TMEM132C: variants seen among roughly 807,000 people sequenced by gnomAD.
The protein encoded by TMEM132C is protein phosphatase 1, regulatory subunit 152.
TMEM132C carries 29 observed loss-of-function variants against 61.4 expected under a neutral mutation model. That is an observed-to-expected ratio of 0.47 (90% CI 0.35 to 0.64). The LOEUF is 0.64. Ranked by LOEUF, TMEM132C falls within the 30% of genes least tolerant of loss-of-function variation. The probability of loss-of-function intolerance (pLI) is 0.00; values close to 1 mark genes in which losing one functional copy is unlikely to be tolerated. For missense variants in TMEM132C, 1,408 were observed against 1,476.9 expected (o/e 0.95, Z 0.76); for synonymous variants, 656 against 633.1 (o/e 1.04, Z -0.54).
At chr12:128,279,455 T>C (rs896086713) in intron 1 of TMEM132C, among the ~76,000 whole-genome samples, 12 of 152,190 alleles carry the variant, frequency 7.9e-5, no homozygotes, top group Non-Finnish European at 1.6e-4. Flanking sequence ...AATTCTCTAG[T>C]GTCTCCCATC....
At chr12:128,558,961 T>C (rs1399757002) in intron 3 of TMEM132C, among the ~76,000 whole-genome samples, 1 of 152,222 alleles carries the variant, frequency 6.6e-6, no homozygotes. Context: ...ATTTACATAG[T>C]TCCAAACTCA....
intron 1 of TMEM132C, among the ~76,000 whole-genome samples, chr12:128,329,077 G>T (rs1164607633): frequency 2.0e-5 from 3 of 152,148 alleles, no homozygotes; most frequent in African/African-American, 7.2e-5. Flanking sequence ...GAAGGAGCAG[G>T]CCTGCTCTTT....
chr12:128,508,174 A>G (rs113752108), intron 2 of TMEM132C, among the ~76,000 whole-genome samples: 76 of 152,302 alleles, frequency 5.0e-4, no homozygotes, highest in African/African-American at 1.6e-3. Context: ...ATCATGGCAG[A>G]AGGCGATGAG....
chr12:128,410,195 C>A (rs1470752437), intron 1 of TMEM132C, among the ~76,000 whole-genome samples: 3 of 151,994 alleles, frequency 2.0e-5, no homozygotes, highest in African/African-American at 7.2e-5. Flanking sequence ...CAGTTGGAGT[C>A]TTAAAGAAGA....
At chr12:128,392,641 A>G (rs1874805525) in intron 1 of TMEM132C, among the ~76,000 whole-genome samples, 1 of 152,182 alleles carries the variant, frequency 6.6e-6, no homozygotes, top group Admixed American at 6.5e-5. Context: ...AAGACAGGCA[A>G]ACAGGTGATA....
intron 2 of TMEM132C, among the ~76,000 whole-genome samples, chr12:128,542,859 CAAAAAAAAAAA>C (rs59362697): frequency 9.8e-5 from 8 of 81,590 alleles, no homozygotes; most frequent in African/African-American, 4.5e-4. Flanking sequence ...TACTTCGATG[CAAAAAAAAAAA>C]AAAAAAAAAA....
At chr12:128,531,477 TGA>T (rs1430708193) in intron 2 of TMEM132C, among the ~76,000 whole-genome samples, 2 of 152,200 alleles carry the variant, frequency 1.3e-5, no homozygotes, top group African/African-American at 4.8e-5. Flanking sequence ...TCTTGGTCAA[TGA>T]GAGAGCAGGG....
chr12:128,531,282 G>GCACCC (rs138900410), intron 2 of TMEM132C, among the ~76,000 whole-genome samples: 38,878 of 152,084 alleles, frequency 0.26, 6,023 homozygotes, highest in East Asian at 0.41. Flanking sequence ...ATTTGATAGG[G>GCACCC]AAGATCAAAG....
Position 128,707,779 on chromosome 12 carries a change from C to G in TMEM132C, c.*1484C>G, listed in dbSNP as rs1055445894. On this transcript the variant is annotated 3_prime_UTR_variant, in exon 9 of 9. Transcript: ENST00000435159. ...CTAAAATCAGTAGCTAAGAAAGGGT[C>G]CTTGAAGCCTCCTAACCTGGGTTGG... 2.0e-5 allele frequency: 3 copies of G among 152,058 alleles called. No homozygotes were observed. The highest frequency in any genetic ancestry group is 4.4e-5 in the Non-Finnish European group (3 of 68,028). The allele number at this position is 152,058 out of a possible 1,614,324, so 9.4% of individuals were successfully genotyped here.
At chr12:128,382,713 CATAA>C (rs1226503571) in intron 1 of TMEM132C, among the ~76,000 whole-genome samples, 25 of 152,158 alleles carry the variant, frequency 1.6e-4, no homozygotes, top group Non-Finnish European at 3.2e-4. Flanking sequence ...TATTCTTTTA[CATAA>C]ATAAATACAT....
At chr12:128,603,629 C>G (rs1876286970) in intron 3 of TMEM132C, among the ~76,000 whole-genome samples, 1 of 152,096 alleles carries the variant, frequency 6.6e-6, no homozygotes, top group Non-Finnish European at 1.5e-5. Flanking sequence ...TATATATTTA[C>G]TTTTTTACTC....
chr12:128,697,253 G>A lies in TMEM132C; in HGVS notation c.1959G>A (p.Leu653=). ...QVLSPLSDSI[L]AEKTITVLDD... is the part of the protein sequence containing the mutation. ...TGTCTCCACTGTCTGACTCCATCCT[G>A]GCAGAGAAGACAATAACCGTGCTAG... is the stretch of plus-strand genomic sequence containing the variant. The change falls in exon 8 of 9, where the codon CTG becomes CTA. Residue 653 remains leucine, a synonymous_variant. Transcript: ENST00000435159. 2.6e-6 allele frequency: 4 copies of A among 1,534,590 alleles called. No homozygotes were observed. The highest frequency in any genetic ancestry group is 3.5e-6 in the Non-Finnish European group (4 of 1,133,184).
At chr12:128,540,699 A>C (rs528348238) in intron 2 of TMEM132C, among the ~76,000 whole-genome samples, 1 of 152,098 alleles carries the variant, frequency 6.6e-6, no homozygotes, top group Admixed American at 6.5e-5. Flanking sequence ...CCCCACAACA[A>C]CCAATACAGA....
chr12:128,377,966 G>A (rs866432406), intron 1 of TMEM132C, among the ~76,000 whole-genome samples: 11 of 152,120 alleles, frequency 7.2e-5, no homozygotes, highest in Admixed American at 2.6e-4. Context: ...CAAGTTATTT[G>A]TGCTGGTGTG....
chr12:128,487,687 G>T (rs1213491675), intron 2 of TMEM132C, among the ~76,000 whole-genome samples: 1 of 151,324 alleles, frequency 6.6e-6, no homozygotes, highest in African/African-American at 2.4e-5. Flanking sequence ...GATCTTAAGT[G>T]CCCCATGTAA....
At chr12:128,575,166 C>A (rs1188290959) in intron 3 of TMEM132C, among the ~76,000 whole-genome samples, 1 of 152,170 alleles carries the variant, frequency 6.6e-6, no homozygotes, top group African/African-American at 2.4e-5. Flanking sequence ...TTAAACACAG[C>A]AAAGTCATCA....
At chr12:128,601,227 C>T (rs1052297149) in intron 3 of TMEM132C, among the ~76,000 whole-genome samples, 2 of 152,206 alleles carry the variant, frequency 1.3e-5, no homozygotes, top group African/African-American at 4.8e-5. Context: ...GTCTGTCCTC[C>T]TCTCCAGCTA....
At chr12:128,578,795 G>A (rs962569109) in intron 3 of TMEM132C, among the ~76,000 whole-genome samples, 4 of 151,966 alleles carry the variant, frequency 2.6e-5, no homozygotes, top group Admixed American at 2.0e-4. Context: ...ATGGGGTTTC[G>A]CCATGTTCGT....
chr12:128,573,896 A>G (rs1874992932), intron 3 of TMEM132C, among the ~76,000 whole-genome samples: 1 of 50,658 alleles, frequency 2.0e-5, no homozygotes, highest in Non-Finnish European at 3.9e-5. Flanking sequence ...CTTTTTTGCA[A>G]TCAAAAAAAA....
Sources: gnomAD v4.1 joint callset for allele counts (sites outside exome capture counted in the v4.1 genomes callset) on GRCh38, gnomAD v4.1.1 for gene constraint, MANE v1.5 for transcripts, NCBI Gene and HGNC (gene_info 2026-07-23, HGNC 2026-07-21) for gene names.